Variants in PEAK1 observed in about 807,000 individuals in gnomAD.
PEAK1 encodes the protein pseudopodium enriched atypical kinase 1.
Under a neutral mutation model 124.7 loss-of-function variants are expected in PEAK1, and 54 were observed. The ratio of observed to expected loss-of-function variants is 0.43; its 90% confidence interval spans 0.35 to 0.54. The LOEUF (loss-of-function observed/expected upper bound fraction) is 0.54. Among genes scored for constraint, PEAK1 ranks in the 20% least tolerant of loss-of-function variants. The pLI, the probability that PEAK1 is intolerant of heterozygous loss-of-function variation, is 0.01. For synonymous variants in PEAK1, 719 were observed against 760.0 expected (o/e 0.95, Z 0.89); for missense variants, 2,046 against 2,134.5 (o/e 0.96, Z 0.82).
chr15:77,115,269 A>G lies in PEAK1; in HGVS notation c.4128T>C (p.Ala1376=), dbSNP rs1471908790. 2.5e-6 allele frequency: 4 copies of G among 1,614,214 alleles called. No homozygotes were observed. The South Asian group carries it at 3.3e-5, about 13-fold the overall frequency. ...KESQQYYHSL[A]VRQSLAVHFN... ...AATGGACAGCCAGACTCTGCCGGAC[A>G]GCCAAGCTGTGATAATACTGCTGAG... is the stretch of plus-strand genomic sequence containing the variant. The change falls in exon 10 of 10, where the codon GCT becomes GCC. Residue 1376 remains alanine, a synonymous_variant. Coordinates refer to ENST00000682557, the MANE Select transcript of PEAK1 (RefSeq NM_001385026.1).
intron 6 of PEAK1, among the ~76,000 whole-genome samples, chr15:77,199,993 T>A (rs1443829824): frequency 2.0e-5 from 3 of 152,160 alleles, no homozygotes; most frequent in Non-Finnish European, 2.9e-5. Flanking sequence ...TTTAGAGAAA[T>A]AAAATAGCAA....
chr15:77,373,065 T>C (rs945586430), intron 1 of PEAK1, among the ~76,000 whole-genome samples: 2 of 152,152 alleles, frequency 1.3e-5, no homozygotes, highest in Non-Finnish European at 2.9e-5. Context: ...AACTAATACA[T>C]CTATCAAAAA....
chr15:77,358,651 T>A (rs138360981), intron 2 of PEAK1, among the ~76,000 whole-genome samples: 12 of 152,292 alleles, frequency 7.9e-5, no homozygotes, highest in Admixed American at 7.8e-4. Flanking sequence ...AGAAGCATAG[T>A]TTCTAAAATG....
chr15:77,118,598 C>T (rs982883291), intron 9 of PEAK1, among the ~76,000 whole-genome samples: 7 of 152,152 alleles, frequency 4.6e-5, no homozygotes, highest in Admixed American at 3.3e-4. Flanking sequence ...TTCTTCTTGG[C>T]TCTCATTATC....
chr15:77,351,679 G>C, intron 2 of PEAK1: 5 of 941,372 alleles, frequency 5.3e-6, no homozygotes, highest in Non-Finnish European at 6.3e-6. Flanking sequence ...TGTGCGTTTT[G>C]TCCAATTCTT....
At chr15:77,148,016 G>A (rs1223613055) in intron 8 of PEAK1, among the ~76,000 whole-genome samples, 1 of 152,158 alleles carries the variant, frequency 6.6e-6, no homozygotes, top group African/African-American at 2.4e-5. Flanking sequence ...TATATGCCTA[G>A]TGGTGACTGT....
intron 9 of PEAK1, among the ~76,000 whole-genome samples, chr15:77,128,107 G>C (rs1212524219): frequency 1.3e-5 from 2 of 151,360 alleles, no homozygotes; most frequent in Admixed American, 6.6e-5. Context: ...GGGAAAGCTT[G>C]TTCTAAGAGA....
intron 2 of PEAK1, chr15:77,334,987 C>T (rs2066110029): frequency 1.0e-6 from 1 of 985,288 alleles, no homozygotes; most frequent in Non-Finnish European, 1.2e-6. Flanking sequence ...ATCCAGCAAT[C>T]TGAACAGGGT....
chr15:77,260,098 T>A (rs1187330786), intron 5 of PEAK1, among the ~76,000 whole-genome samples: 1 of 152,028 alleles, frequency 6.6e-6, no homozygotes, highest in African/African-American at 2.4e-5. Flanking sequence ...GACCAAGAAT[T>A]CAACAAGCTC....
chr15:77,182,018 C>T lies in PEAK1; in HGVS notation c.-92G>A, dbSNP rs2057301218. On this transcript the variant is annotated 5_prime_UTR_variant, in exon 7 of 10. Transcript: ENST00000682557. ...TTTTCACTTCCCCTATGTGTTACAG[C>T]AGCTCTTCTAAGAATGATCAATCTG... The T allele has an allele frequency of 6.7e-7, 1 of 1,484,076 alleles. No homozygotes were observed. The highest frequency in any genetic ancestry group is 1.5e-5 in the South Asian group (1 of 68,618). 91.9% of individuals were successfully genotyped at this position (1,484,076 alleles called of 1,614,324 possible). A position where few individuals can be genotyped will look rare whatever the true frequency, so the allele number is the denominator to read the frequency against.
chr15:77,295,374 T>C (rs1350789702), intron 2 of PEAK1, among the ~76,000 whole-genome samples: 1 of 152,170 alleles, frequency 6.6e-6, no homozygotes, highest in Non-Finnish European at 1.5e-5. Flanking sequence ...AAAATCCTTA[T>C]AGACTATTAC....
rs1555478191 is a variant in PEAK1 at position 77,313,726 on chromosome 15, G to GTATATATA, written c.-602-27230_-602-27223dup. Among the ~76,000 whole-genome samples, 613 of 108,572 alleles carry GTATATATA rather than the reference G, an allele frequency of 5.6e-3. 10 individuals carry two copies. Among genetic ancestry groups the GTATATATA allele is most frequent in the African/African-American group, 0.02 (573 of 29,272 alleles). 71.2% of individuals were successfully genotyped at this position (108,572 alleles called of 152,430 possible). ...TATATGTATGTGTGTGTGTGTGTGT[G>GTATATATA]TATATATATATATATTTATTTATTT... On this transcript the variant is annotated intron_variant, in intron 2 of 9. Coordinates refer to ENST00000682557, the MANE Select transcript of PEAK1 (RefSeq NM_001385026.1).
At chr15:77,144,313 AG>A (rs1273326686) in intron 8 of PEAK1, among the ~76,000 whole-genome samples, 1 of 152,214 alleles carries the variant, frequency 6.6e-6, no homozygotes, top group Non-Finnish European at 1.5e-5. Context: ...TGCCTTAGCA[AG>A]GGTGTCTGTC....
At position 77,133,797 on chromosome 15, in the gene PEAK1, T is replaced by C. The variant is rs989871010; in HGVS notation, c.3332-47A>G. On this transcript the variant is annotated intron_variant, in intron 8 of 9. Coordinates refer to ENST00000682557, the MANE Select transcript of PEAK1 (RefSeq NM_001385026.1). The surrounding 1 kb of genome is among the most constrained non-coding windows in gnomAD (Gnocchi z 4.2). ...AAAAAGAAAAGAGTAAGTAAAGTTT[T>C]CAATCTAATTTTATAACTGAAACTT... 7 of 1,498,206 alleles carry C rather than the reference T, an allele frequency of 4.7e-6. No individual in the cohort carries two copies. The highest frequency in any genetic ancestry group is 4.8e-5 in the Admixed American group (2 of 42,062). The allele number at this position is 1,498,206 out of a possible 1,614,324, so 92.8% of individuals were successfully genotyped here.
chr15:77,146,466 G>A (rs1434157328), intron 8 of PEAK1, among the ~76,000 whole-genome samples: 6 of 152,130 alleles, frequency 3.9e-5, no homozygotes, highest in African/African-American at 1.4e-4. Context: ...CCTCATTAGT[G>A]GAAACCTCTC....
intron 1 of PEAK1, chr15:77,419,667 C>CG (rs2073207217): frequency 1.0e-6 from 1 of 984,996 alleles, no homozygotes; most frequent in Non-Finnish European, 1.2e-6. Flanking sequence ...CAGCCGCGCC[C>CG]GGGGGCGTCC....
chr15:77,107,882 C>T (rs923949821), downstream of PEAK1: 24 of 152,398 alleles, frequency 1.6e-4, no homozygotes, highest in African/African-American at 5.1e-4. Flanking sequence ...ACACAGCAAA[C>T]CTGCAGCCTT....
At chr15:77,162,462 T>A in intron 7 of PEAK1, among the ~76,000 whole-genome samples, 1 of 118,580 alleles carries the variant, frequency 8.4e-6, no homozygotes. Flanking sequence ...CCACTAACAC[T>A]CCAGCCTGGT....
chr15:77,263,288 C>T (rs2061538355), intron 5 of PEAK1, among the ~76,000 whole-genome samples: 1 of 152,058 alleles, frequency 6.6e-6, no homozygotes, highest in African/African-American at 2.4e-5. Context: ...ACATAAAAAA[C>T]ACTTCAAAAA....
Sources: allele counts gnomAD v4.1 joint callset (sites outside exome capture counted in the v4.1 genomes callset), GRCh38; gene constraint gnomAD v4.1.1; non-coding constraint Gnocchi (gnomAD v3.1); transcripts MANE v1.5; gene names NCBI Gene and HGNC (gene_info 2026-07-23, HGNC 2026-07-21).